The following MGAM variants were observed in gnomAD, a reference collection of about 807,000 sequenced individuals.
MGAM encodes maltase-glucoamylase, also known as alpha-1,4-glucosidase.
Under a neutral mutation model 358.8 loss-of-function variants are expected in MGAM, and 253 were observed. The observed-to-expected ratio is 0.71, with a 90% CI of 0.64 to 0.78. The LOEUF (loss-of-function observed/expected upper bound fraction) is 0.78. MGAM is among the 30% of genes least tolerant of loss of function. MGAM has a pLI of 0.00. For synonymous variants in MGAM, 1,105 were observed against 1,227.1 expected (o/e 0.90, Z 2.08); for missense variants, 3,080 against 3,432.6 (o/e 0.90, Z 2.57).
Position 142,039,329 on chromosome 7 carries a change from T to C in MGAM, c.2316+714T>C, listed in dbSNP as rs1317149051. ...GTTAGCCAGGCTGGTCTCAAACTGC[T>C]GACCTCAGATGATCCACCTGCCTCA... On this transcript the variant is annotated intron_variant, in intron 19 of 70. Coordinates refer to ENST00000475668, the MANE Select transcript of MGAM (RefSeq NM_001365693.1). Among the ~76,000 whole-genome samples the C allele has an allele frequency of 3.3e-5, 5 of 152,110 alleles. No homozygotes were observed. The South Asian group carries it at 1.0e-3, about 32-fold the overall frequency.
At chr7:142,063,892 T>C (rs1323739266) in intron 36 of MGAM, among the ~76,000 whole-genome samples, 1 of 152,226 alleles carries the variant, frequency 6.6e-6, no homozygotes, top group African/African-American at 2.4e-5. Context: ...CAGGAATTTC[T>C]TGTGTCATCA....
At position 142,046,527 on chromosome 7, in the gene MGAM, C is replaced by T. The variant is rs532545557; in HGVS notation, c.2499-1258C>T. ...GGAATCAGAGGTTCACATTCTCTAC[C>T]TTGGATCACTAGGCTTAGTAGCCCA... is the stretch of plus-strand genomic sequence containing the variant. On this transcript the variant is annotated intron_variant, in intron 21 of 70. Coordinates refer to ENST00000475668, the MANE Select transcript of MGAM (RefSeq NM_001365693.1). Among the ~76,000 whole-genome samples, 5 of 152,114 alleles carry T rather than the reference C, an allele frequency of 3.3e-5. No homozygotes were observed. The South Asian group carries it at 1.0e-3, about 32-fold the overall frequency.
intron 16 of MGAM, 45 bp from the exon 17 acceptor site, chr7:142,036,124 G>A (rs1250270233): frequency 7.2e-7 from 1 of 1,382,890 alleles, no homozygotes; most frequent in East Asian, 2.4e-5. Context: ...AAGGAGGGTG[G>A]TTAGAAGGAA....
At chr7:142,069,583 T>TG (rs1312033959) in intron 43 of MGAM, among the ~76,000 whole-genome samples, 1 of 144,764 alleles carries the variant, frequency 6.9e-6, no homozygotes, top group Non-Finnish European at 1.6e-5. Context: ...GAGATTTCAG[T>TG]GAGATTAAGT....
intron 66 of MGAM, among the ~76,000 whole-genome samples, chr7:142,099,234 C>A (rs1416609166): frequency 6.6e-6 from 1 of 152,144 alleles, no homozygotes; most frequent in East Asian, 1.9e-4. Context: ...ATAGCCCCAT[C>A]GCCAGAGAAT....
rs782665111 is a variant in MGAM, at chr7:142,005,580, G to A, written c.50G>A (p.Ser17Asn). The A allele has an allele frequency of 4.4e-6, 7 of 1,583,372 alleles. No individual in the cohort carries two copies. The highest frequency in any genetic ancestry group is 6.0e-6 in the Non-Finnish European group (7 of 1,165,316). Residue 17 changes from serine to asparagine, a missense_variant, in exon 2 of 71, where the codon AGT becomes AAT. Physicochemically the swap from Ser to Asn is conservative, Grantham distance 46 (BLOSUM62 1). Coordinates refer to ENST00000475668, the MANE Select transcript of MGAM (RefSeq NM_001365693.1). Reference protein sequence around the residue: ...KKFTTLEIVLSVLLLVLFIIS... With the variant: ...KKFTTLEIVLNVLLLVLFIIS... ...TTTACTACTTTGGAGATTGTGCTCA[G>A]TGTTCTTCTGCTTGTGTTGTTTATC...
rs762952064 is a variant in MGAM, at chr7:142,099,624, T to C, written c.7761T>C (p.Ile2587=). The part of the protein sequence containing the change: ...RWYDYYTGVD[I]NARGEWKTLP... ...TCTTCTGCCTCCAGGGTGTGGATAT[T>C]AATGCAAGAGGAGAGTGGAAGACCT... The change falls in exon 67 of 71, where the codon ATT becomes ATC. Residue 2587 remains isoleucine (I), a synonymous_variant. Coordinates refer to ENST00000475668, the MANE Select transcript of MGAM (RefSeq NM_001365693.1). The C allele has an allele frequency of 1.4e-5, 22 of 1,613,786 alleles. No individual in the cohort carries two copies. The highest frequency in any genetic ancestry group is 1.9e-5 in the Non-Finnish European group (22 of 1,179,832).
intron 57 of MGAM, among the ~76,000 whole-genome samples, chr7:142,091,363 T>C (rs1401982444): frequency 1.4e-5 from 2 of 146,404 alleles, no homozygotes; most frequent in African/African-American, 4.9e-5. Flanking sequence ...AATGTCCTCT[T>C]TAAGTCCTCT....
intron 21 of MGAM, among the ~76,000 whole-genome samples, chr7:142,042,799 T>G (rs187031989): frequency 0.017 from 1,258 of 74,740 alleles, 50 homozygotes; most frequent in African/African-American, 0.062. Flanking sequence ...TATATACATA[T>G]AATATCTAAA....
In MGAM at chr7:142,080,422, C is replaced by T. The variant is rs187780786; in HGVS notation, c.5848-369C>T. On this transcript the variant is annotated intron_variant, in intron 49 of 70. Coordinates refer to ENST00000475668, the MANE Select transcript of MGAM (RefSeq NM_001365693.1). Reference sequence around the variant, plus strand: ...GATTATTTTAATCAAATAGATTTCACTTTGGGGAGACACGTTATTTTTCAA... The same window carrying T: ...GATTATTTTAATCAAATAGATTTCATTTTGGGGAGACACGTTATTTTTCAA... Among the ~76,000 whole-genome samples, 4 of 146,432 alleles carry T rather than the reference C, an allele frequency of 2.7e-5. No homozygotes were observed. The East Asian group carries it at 8.0e-4, about 29-fold the overall frequency.
intron 1 of MGAM, among the ~76,000 whole-genome samples, chr7:141,997,911 C>T (rs1241043549): frequency 6.6e-6 from 1 of 152,166 alleles, no homozygotes; most frequent in Non-Finnish European, 1.5e-5. Flanking sequence ...GTCCTCTTTG[C>T]AAGTTGTTCT....
intron 24 of MGAM, among the ~76,000 whole-genome samples, chr7:142,051,878 T>C (rs1403759911): frequency 6.6e-6 from 1 of 152,182 alleles, no homozygotes; most frequent in Non-Finnish European, 1.5e-5. Flanking sequence ...CCAGGTCATA[T>C]GATTCTTATT....
intron 9 of MGAM, 149 bp downstream of exon 9, chr7:142,027,376 C>T: frequency 1.3e-6 from 1 of 785,394 alleles, no homozygotes; most frequent in Non-Finnish European, 2.0e-6. Context: ...GCAATGGAAA[C>T]TTGCTGTATA....
At chr7:142,046,091 T>A (rs1357126698) in intron 21 of MGAM, among the ~76,000 whole-genome samples, 1 of 127,236 alleles carries the variant, frequency 7.9e-6, no homozygotes, top group Admixed American at 8.7e-5. Flanking sequence ...TTTATATGTG[T>A]AATTATATAT....
At chr7:142,085,083 G>C (rs1243317471) in intron 54 of MGAM, among the ~76,000 whole-genome samples, 2 of 146,728 alleles carry the variant, frequency 1.4e-5, no homozygotes, top group Non-Finnish European at 3.1e-5. Context: ...CTGTAGCACA[G>C]TGTCCCATGA....
chr7:142,038,310 G>A (rs531689377), intron 18 of MGAM, among the ~76,000 whole-genome samples: 1 of 152,294 alleles, frequency 6.6e-6, no homozygotes, highest in South Asian at 2.1e-4. Context: ...TACTGGAATA[G>A]AAACATCTGT....
At chr7:142,018,023 C>T (rs924181769) in intron 3 of MGAM, among the ~76,000 whole-genome samples, 1 of 152,170 alleles carries the variant, frequency 6.6e-6, no homozygotes, top group African/African-American at 2.4e-5. Context: ...GTAAAATGAT[C>T]TGGTAGGATG....
chr7:142,045,421 T>A (rs1286296317), intron 21 of MGAM, among the ~76,000 whole-genome samples: 1 of 111,184 alleles, frequency 9.0e-6, no homozygotes, highest in Non-Finnish European at 1.6e-5. Flanking sequence ...TATATATACC[T>A]ATAATACATG....
chr7:142,050,864 G>A lies in MGAM; in HGVS notation c.2805G>A (p.Lys935=). Residue 935 remains lysine, a splice_region_variant and synonymous_variant, in exon 24 of 71, where the codon AAG becomes AAA. Coordinates refer to ENST00000475668, the MANE Select transcript of MGAM (RefSeq NM_001365693.1). The part of the protein sequence containing the change: ...SPTVTYDSNL[K]VAIITDIDLL... Reference sequence around the variant, plus strand: ...CAGTCACTTATGATTCTAACCTGAAGGTAAAAACCCATTTTGTTGAGATGG... The same window carrying A: ...CAGTCACTTATGATTCTAACCTGAAAGTAAAAACCCATTTTGTTGAGATGG... 2 of 1,613,512 alleles carry A rather than the reference G, an allele frequency of 1.2e-6. No individual in the cohort carries two copies. The highest frequency in any genetic ancestry group is 1.3e-5 in the African/African-American group (1 of 75,016).
Sources: gnomAD v4.1 joint callset for allele counts (sites outside exome capture counted in the v4.1 genomes callset) on GRCh38, gnomAD v4.1.1 for gene constraint, MANE v1.5 for transcripts, NCBI Gene and HGNC (gene_info 2026-07-23, HGNC 2026-07-21) for gene names.